FER: variants seen among roughly 807,000 people sequenced by gnomAD.
The protein encoded by FER is tyrosine-protein kinase Fer.
Under a neutral mutation model 111.0 loss-of-function variants are expected in FER, and 63 were observed. That is an observed-to-expected ratio of 0.57 (90% confidence interval 0.46 to 0.70). The LOEUF (loss-of-function observed/expected upper bound fraction) is 0.70, where lower values mean the gene tolerates loss of function less well. FER is among the 30% of genes least tolerant of loss of function. The pLI, the probability that FER is intolerant of heterozygous loss-of-function variation, is 0.00. For synonymous variants in FER, 327 were observed against 313.9 expected, an observed-to-expected ratio of 1.04 and a Z score of -0.44; for missense variants, 914 against 954.0, an observed-to-expected ratio of 0.96 and a Z score of 0.55.
chr5:108,917,554 T>A (rs1324241556), intron 10 of FER, among the ~76,000 whole-genome samples: 1 of 152,228 alleles, frequency 6.6e-6, no homozygotes, highest in Non-Finnish European at 1.5e-5. Context: ...ATGTTGCCTC[T>A]TTCCCATTTC....
chr5:108,765,815 T>C (rs537469039), intron 1 of FER, among the ~76,000 whole-genome samples: 1 of 152,272 alleles, frequency 6.6e-6, no homozygotes, highest in South Asian at 2.1e-4. Context: ...TGGATACATA[T>C]ATAATGTGTT....
At chr5:109,046,709 A>T (rs1164945398) in intron 15 of FER, among the ~76,000 whole-genome samples, 1 of 151,848 alleles carries the variant, frequency 6.6e-6, no homozygotes, top group African/African-American at 2.4e-5. Context: ...CATGTACAGA[A>T]TTTTTTTTCT....
At chr5:108,769,351 A>C (rs890646847) in intron 2 of FER, among the ~76,000 whole-genome samples, 1 of 152,188 alleles carries the variant, frequency 6.6e-6, no homozygotes, top group African/African-American at 2.4e-5. Context: ...GGTGTGCAGA[A>C]ACCCTGAATG....
At chr5:108,918,687 C>T (rs1350915439) in intron 10 of FER, among the ~76,000 whole-genome samples, 1 of 151,974 alleles carries the variant, frequency 6.6e-6, no homozygotes, top group Non-Finnish European at 1.5e-5. Context: ...CGGGGTTTCA[C>T]TGTGTTAGCC....
At chr5:109,037,623 T>C in intron 14 of FER, 145 bp downstream of exon 14, 1 of 565,710 alleles carries the variant, frequency 1.8e-6, no homozygotes, top group Non-Finnish European at 3.1e-6. Context: ...ATCTTCTCAA[T>C]ATTGTGATGC....
intron 10 of FER, among the ~76,000 whole-genome samples, chr5:108,914,591 A>T (rs1209642308): frequency 6.6e-6 from 1 of 152,186 alleles, no homozygotes; most frequent in Non-Finnish European, 1.5e-5. Flanking sequence ...CATGTTAAGC[A>T]TCATCAGACA....
chr5:109,049,291 A>G (rs538414557), intron 16 of FER, among the ~76,000 whole-genome samples: 3 of 152,300 alleles, frequency 2.0e-5, no homozygotes, highest in African/African-American at 7.2e-5. Context: ...CAAAATCAGG[A>G]TGTCAGGCTG....
intron 10 of FER, among the ~76,000 whole-genome samples, chr5:108,908,778 C>A (rs1751149048): frequency 6.6e-6 from 1 of 151,720 alleles, no homozygotes; most frequent in South Asian, 2.1e-4. Flanking sequence ...CTGGCTCATG[C>A]CTGTAATCTC....
chr5:109,165,650 A>G (rs76621943), intron 17 of FER, among the ~76,000 whole-genome samples: 1,774 of 151,620 alleles, frequency 0.012, 41 homozygotes, highest in African/African-American at 0.04. Context: ...ATACACACAT[A>G]TATATCACAG....
At chr5:109,045,277 T>TA (rs1771790473) in intron 15 of FER, among the ~76,000 whole-genome samples, 1 of 143,218 alleles carries the variant, frequency 7.0e-6, no homozygotes, top group African/African-American at 2.6e-5. Context: ...GTATATACAT[T>TA]TAAGTATATA....
chr5:108,763,937 A>G (rs991594398), intron 1 of FER, among the ~76,000 whole-genome samples: 3 of 152,072 alleles, frequency 2.0e-5, no homozygotes, highest in Admixed American at 2.0e-4. Context: ...CAGTTTAGCA[A>G]CCTTGGCTGA....
chr5:108,996,044 G>T (rs774201298), intron 13 of FER, among the ~76,000 whole-genome samples: 5 of 152,156 alleles, frequency 3.3e-5, no homozygotes, highest in Admixed American at 1.3e-4. Flanking sequence ...TCGTATGTTT[G>T]TTGGCCGCAT....
chr5:109,145,578 C>T (rs1180288152), intron 17 of FER, among the ~76,000 whole-genome samples: 1 of 152,012 alleles, frequency 6.6e-6, no homozygotes, highest in African/African-American at 2.4e-5. Context: ...TGGCATCAAG[C>T]AGTATCTTTG....
At chr5:108,924,290 GC>G in intron 10 of FER, among the ~76,000 whole-genome samples, 1 of 149,090 alleles carries the variant, frequency 6.7e-6, no homozygotes, top group Admixed American at 6.8e-5. Flanking sequence ...AACCCGGGAA[GC>G]AGAGGTTGCA....
rs150129492 is a variant in FER at position 109,190,785 on chromosome 5, G to C, written c.*3210G>C. The C allele has an allele frequency of 1.3e-5, 2 of 152,018 alleles. No individual in the cohort carries two copies. The highest frequency in any genetic ancestry group is 2.9e-5 in the Non-Finnish European group (2 of 67,980). 9.4% of individuals were successfully genotyped at this position (152,018 alleles called of 1,614,324 possible). On this transcript the variant is annotated 3_prime_UTR_variant, in exon 20 of 20. Coordinates refer to ENST00000281092, the MANE Select transcript of FER (RefSeq NM_005246.4). ...ATGTGGGCAATAAAATTCTCCTTTC[G>C]TAATTCACTGTTTTATTACAAATAC...
intron 16 of FER, among the ~76,000 whole-genome samples, chr5:109,072,737 C>T (rs546220477): frequency 2.4e-4 from 36 of 152,102 alleles, no homozygotes; most frequent in African/African-American, 8.4e-4. Flanking sequence ...AACAAAATAT[C>T]ACAAACTATG....
At chr5:109,109,252 G>C (rs1749310473) in intron 17 of FER, among the ~76,000 whole-genome samples, 1 of 152,028 alleles carries the variant, frequency 6.6e-6, no homozygotes, top group African/African-American at 2.4e-5. Flanking sequence ...TTTTGTGATA[G>C]TCCTTACTAT....
chr5:108,829,942 C>G (rs1479212670), intron 3 of FER, among the ~76,000 whole-genome samples: 1 of 152,082 alleles, frequency 6.6e-6, no homozygotes, highest in Non-Finnish European at 1.5e-5. Context: ...GGATATTTAG[C>G]TGATTACTAA....
chr5:109,061,661 T>A (rs1219258374), intron 16 of FER, among the ~76,000 whole-genome samples: 1 of 152,200 alleles, frequency 6.6e-6, no homozygotes, highest in East Asian at 1.9e-4. Context: ...TTTCTCAACC[T>A]TGTGCATAGA....
Sources: allele counts gnomAD v4.1 joint callset (sites outside exome capture counted in the v4.1 genomes callset), GRCh38; gene constraint gnomAD v4.1.1; transcripts MANE v1.5; gene names NCBI Gene and HGNC (gene_info 2026-07-23, HGNC 2026-07-21).